The following MEGF11 variants were observed in gnomAD, a reference collection of about 807,000 sequenced individuals.
The protein encoded by MEGF11 is multiple epidermal growth factor-like domains protein 11.
MEGF11 carries 126 observed loss-of-function variants against 146.6 expected under a neutral mutation model. The ratio of observed to expected loss-of-function variants is 0.86; its 90% CI spans 0.74 to 1.00. MEGF11 has a LOEUF of 1.00. MEGF11 is among the 50% of genes least tolerant of loss of function. The probability of loss-of-function intolerance (pLI) is 0.00; values close to 1 mark genes in which losing one functional copy is unlikely to be tolerated. For missense variants in MEGF11, 1,509 were observed against 1,521.2 expected (o/e 0.99, Z 0.13); for synonymous variants, 532 against 583.4 (o/e 0.91, Z 1.27).
chr15:66,252,502 C>A (rs1012115292), intron 1 of MEGF11, among the ~76,000 whole-genome samples: 3 of 152,164 alleles, frequency 2.0e-5, no homozygotes, highest in Non-Finnish European at 4.4e-5. Flanking sequence ...GGCCTCGCAG[C>A]GCGGGCTGCG....
intron 1 of MEGF11, among the ~76,000 whole-genome samples, chr15:66,213,982 T>G (rs1285492465): frequency 2.0e-5 from 3 of 148,264 alleles, no homozygotes; most frequent in Non-Finnish European, 4.4e-5. Flanking sequence ...CCTTCTCCTC[T>G]CCCTGAGACC....
chr15:66,039,814 C>CAGCCTT (rs1567213481), intron 5 of MEGF11, among the ~76,000 whole-genome samples: 25 of 80,258 alleles, frequency 3.1e-4, no homozygotes, highest in East Asian at 1.5e-3. Flanking sequence ...GGGTGACGGT[C>CAGCCTT]CTGAGCCGGG....
At chr15:66,101,444 A>G (rs933171014) in intron 4 of MEGF11, among the ~76,000 whole-genome samples, 1 of 152,128 alleles carries the variant, frequency 6.6e-6, no homozygotes, top group Admixed American at 6.5e-5. Context: ...CACTTCCTCC[A>G]GGAAGCTTCC....
At chr15:65,994,692 C>A (rs1470252630) in intron 5 of MEGF11, among the ~76,000 whole-genome samples, 3 of 152,162 alleles carry the variant, frequency 2.0e-5, no homozygotes, top group African/African-American at 7.2e-5. Context: ...GCCCTCTGGG[C>A]TGTTCATCCT....
At chr15:65,928,579 T>C in intron 12 of MEGF11, 52 bp from the exon 13 acceptor site, 1 of 1,274,410 alleles carries the variant, frequency 7.8e-7, no homozygotes, top group Non-Finnish European at 1.1e-6. Flanking sequence ...CTCCAGAGGT[T>C]TGTGTACTTC....
chr15:66,250,635 C>T (rs899660535), intron 1 of MEGF11, among the ~76,000 whole-genome samples: 5 of 152,188 alleles, frequency 3.3e-5, no homozygotes, highest in African/African-American at 1.2e-4. Context: ...GGGCTGGGTG[C>T]GGTGGCTCAG....
intron 5 of MEGF11, among the ~76,000 whole-genome samples, chr15:66,077,485 C>T (rs368785933): frequency 2.6e-5 from 4 of 152,364 alleles, no homozygotes; most frequent in African/African-American, 9.6e-5. Context: ...TTTGCATTCT[C>T]TCAAGCATCC....
At chr15:66,046,875 C>T (rs2084226539) in intron 5 of MEGF11, among the ~76,000 whole-genome samples, 1 of 152,164 alleles carries the variant, frequency 6.6e-6, no homozygotes, top group Non-Finnish European at 1.5e-5. Context: ...TGCCAGTTCC[C>T]CTCCTCACTC....
intron 1 of MEGF11, among the ~76,000 whole-genome samples, chr15:66,237,329 C>CT (rs963324835): frequency 6.6e-6 from 1 of 151,942 alleles, no homozygotes; most frequent in Non-Finnish European, 1.5e-5. Context: ...ACTCACTCCC[C>CT]CCAACAAAAG....
At chr15:66,102,350 G>A (rs2086854839) in intron 4 of MEGF11, among the ~76,000 whole-genome samples, 1 of 12,430 alleles carries the variant, frequency 8.0e-5, no homozygotes, top group African/African-American at 1.7e-4. Flanking sequence ...ATCAAGCTGA[G>A]TTCCTGCACC....
chr15:65,948,478 T>C (rs1002792832), intron 10 of MEGF11, among the ~76,000 whole-genome samples: 3 of 152,150 alleles, frequency 2.0e-5, no homozygotes, highest in Non-Finnish European at 4.4e-5. Context: ...ATCTCACCAA[T>C]GAGAAACGGG....
At chr15:65,959,883 G>T (rs1308335423) in intron 9 of MEGF11, among the ~76,000 whole-genome samples, 4 of 152,200 alleles carry the variant, frequency 2.6e-5, no homozygotes, top group Admixed American at 2.6e-4. Context: ...TGGCAAAGCT[G>T]TGATTCAAAC....
At chr15:66,228,944 C>T (rs2091908075) in intron 1 of MEGF11, among the ~76,000 whole-genome samples, 2 of 152,122 alleles carry the variant, frequency 1.3e-5, no homozygotes, top group African/African-American at 2.4e-5. Context: ...CTCTACACAG[C>T]GCCCTCTCCA....
chr15:66,199,231 C>T (rs780154300), intron 1 of MEGF11, among the ~76,000 whole-genome samples: 2 of 152,104 alleles, frequency 1.3e-5, no homozygotes, highest in Non-Finnish European at 2.9e-5. Flanking sequence ...TACATATATA[C>T]TTCATTCATA....
intron 1 of MEGF11, among the ~76,000 whole-genome samples, chr15:66,233,338 C>T (rs1172757991): frequency 6.6e-6 from 1 of 152,142 alleles, no homozygotes; most frequent in Non-Finnish European, 1.5e-5. Flanking sequence ...CAGGTTCAAA[C>T]GATTCTCCAG....
chr15:65,922,111 C>A, intron 15 of MEGF11: 1 of 574,960 alleles, frequency 1.7e-6, no homozygotes, highest in Non-Finnish European at 3.1e-6. Flanking sequence ...TTGCTAGCTG[C>A]GAAATCACAG....
Position 65,922,583 on chromosome 15 carries a change from C to T in MEGF11, c.1823-111G>A, listed in dbSNP as rs889091948. 4 of 1,409,174 alleles carry T rather than the reference C, an allele frequency of 2.8e-6. No homozygotes were observed. The African/African-American group carries it at 5.8e-5, about 20-fold the overall frequency. 87.3% of individuals were successfully genotyped at this position (1,409,174 alleles called of 1,614,324 possible). On this transcript the variant is annotated intron_variant, in intron 14 of 25. Transcript: ENST00000395614. ...CATGGGGAGACCTGCATCCTTCCCT[C>T]ATCTTGGAGGGCGCATCCCTTTCTG...
intron 1 of MEGF11, among the ~76,000 whole-genome samples, chr15:66,152,731 G>C (rs1370748864): frequency 6.6e-6 from 1 of 152,228 alleles, no homozygotes; most frequent in South Asian, 2.1e-4. Flanking sequence ...TCCCCCTGCT[G>C]TCCTCCCACT....
intron 5 of MEGF11, among the ~76,000 whole-genome samples, chr15:66,014,193 G>A (rs76208826): frequency 0.014 from 2,173 of 152,348 alleles, 50 homozygotes; most frequent in African/African-American, 0.048. Flanking sequence ...GATAGCACCT[G>A]CAAGAGAGTA....
Sources: gnomAD v4.1 joint callset for allele counts (sites outside exome capture counted in the v4.1 genomes callset) on GRCh38, gnomAD v4.1.1 for gene constraint, MANE v1.5 for transcripts, NCBI Gene and HGNC (gene_info 2026-07-23, HGNC 2026-07-21) for gene names.